Variants in XIRP2 observed in about 807,000 individuals in gnomAD.
The protein encoded by XIRP2 is xin actin-binding repeat-containing protein 2.
In XIRP2, 236 loss-of-function variants were observed where a neutral mutation model predicts 277.0. That is an observed-to-expected ratio of 0.85 (90% CI 0.77 to 0.95). The LOEUF (loss-of-function observed/expected upper bound fraction) is 0.95, where lower values mean the gene tolerates loss of function less well. Ranked by LOEUF, XIRP2 falls within the 40% of genes least tolerant of loss-of-function variation. The probability of loss-of-function intolerance (pLI) is 0.00; values close to 1 mark genes in which losing one functional copy is unlikely to be tolerated. For synonymous variants in XIRP2, 1,490 were observed against 1,416.5 expected (o/e 1.05, Z -1.17); for missense variants, 4,640 against 4,157.5 (o/e 1.12, Z -3.19).
At chr2:167,026,118 G>T (rs1429724540) in intron 2 of XIRP2, among the ~76,000 whole-genome samples, 1 of 152,250 alleles carries the variant, frequency 6.6e-6, no homozygotes, top group South Asian at 2.1e-4. Flanking sequence ...CTCAGGACTT[G>T]CTTTATGAAT....
intron 2 of XIRP2, among the ~76,000 whole-genome samples, chr2:166,914,287 T>G (rs1226473144): frequency 6.6e-6 from 1 of 152,148 alleles, no homozygotes; most frequent in African/African-American, 2.4e-5. Context: ...TGAAATTTAT[T>G]TCTGAATTTG....
At chr2:167,058,203 C>T (rs1259976491) in intron 2 of XIRP2, among the ~76,000 whole-genome samples, 2 of 151,884 alleles carry the variant, frequency 1.3e-5, no homozygotes, top group Admixed American at 1.3e-4. Flanking sequence ...GCTGGGACTA[C>T]AGAAAGGCAC....
intron 2 of XIRP2, among the ~76,000 whole-genome samples, chr2:166,946,260 A>G (rs1370177975): frequency 6.6e-6 from 1 of 152,190 alleles, no homozygotes; most frequent in African/African-American, 2.4e-5. Flanking sequence ...CTGTTTAAGT[A>G]AAACCTAATG....
chr2:167,237,296 A>G (rs1694927608), intron 5 of XIRP2, among the ~76,000 whole-genome samples: 1 of 152,182 alleles, frequency 6.6e-6, no homozygotes, highest in Non-Finnish European at 1.5e-5. Flanking sequence ...TCAAAATTAC[A>G]TTTATTTACA....
intron 3 of XIRP2, among the ~76,000 whole-genome samples, chr2:167,192,859 G>A (rs554079377): frequency 1.8e-4 from 28 of 152,128 alleles, no homozygotes; most frequent in Non-Finnish European, 2.9e-4. Flanking sequence ...GTTTTCCTCC[G>A]TAGCATCTCA....
At chr2:167,147,100 A>T (rs1240092065) in intron 3 of XIRP2, among the ~76,000 whole-genome samples, 3 of 152,246 alleles carry the variant, frequency 2.0e-5, no homozygotes, top group Non-Finnish European at 4.4e-5. Context: ...CCTTCATTAA[A>T]GGAAATTTTT....
Position 167,246,499 on chromosome 2 carries a change from A to G in XIRP2, c.5107A>G (p.Ile1703Val). The change falls in exon 9 of 11, where the codon ATT becomes GTT. Residue 1703 changes from isoleucine (I) to valine (V), a missense_variant. Transcript: ENST00000409195. ...CLLHENDGDTIEREEVIGGDV... is the reference protein window; with the variant it reads ...CLLHENDGDTVEREEVIGGDV... ...TCTTCATGAAAATGATGGTGACACAATTGAGCGTGAAGAAGTAATAGGTGG... is the reference window on the plus strand; with the variant it reads ...TCTTCATGAAAATGATGGTGACACAGTTGAGCGTGAAGAAGTAATAGGTGG... The G allele has an allele frequency of 6.2e-7, 1 of 1,613,730 alleles. No individual in the cohort carries two copies. The highest frequency in any genetic ancestry group is 8.5e-7 in the Non-Finnish European group (1 of 1,179,806).
intron 2 of XIRP2, among the ~76,000 whole-genome samples, chr2:167,093,298 A>G (rs1690202503): frequency 6.6e-6 from 1 of 151,808 alleles, no homozygotes; most frequent in Non-Finnish European, 1.5e-5. Context: ...ATTTTTACAG[A>G]TGTACATAAG....
In XIRP2 at chr2:167,244,921, A is replaced by C. The variant is rs776625517; in HGVS notation, c.3529A>C (p.Ile1177Leu). Residue 1177 changes from isoleucine (I) to leucine (L), a missense_variant, in exon 9 of 11, where the codon ATA (isoleucine) becomes CTA (leucine). Ile to Leu is a conservative substitution (Grantham distance 5). Coordinates refer to ENST00000409195, the MANE Select transcript of XIRP2 (RefSeq NM_152381.6). ...FLFETENLDS[I>L]QGEEVKEIKP... is the part of the protein sequence containing the mutation. The stretch of plus-strand genomic sequence containing the variant: ...TTTTGAGACAGAAAATTTGGACAGC[A>C]TACAAGGAGAAGAAGTGAAGGAAAT... 5.3e-5 allele frequency: 86 copies of C among 1,612,982 alleles called. No individual in the cohort carries two copies. Among genetic ancestry groups the C allele is most frequent in the Non-Finnish European group, 6.5e-5 (77 of 1,179,664 alleles).
At chr2:167,257,798 A>G (rs543067160) in intron 10 of XIRP2, 59 bp from the exon 11 acceptor site, 1 of 1,499,084 alleles carries the variant, frequency 6.7e-7, no homozygotes, top group African/African-American at 1.4e-5. Flanking sequence ...ATTAATCCCC[A>G]ATTCCCTATG....
intron 5 of XIRP2, among the ~76,000 whole-genome samples, chr2:167,221,249 G>T (rs1694417192): frequency 6.6e-6 from 1 of 152,058 alleles, no homozygotes; most frequent in Non-Finnish European, 1.5e-5. Context: ...GAGGTGGGCA[G>T]ATCACCTGAA....
At chr2:166,999,760 G>A (rs1687316430) in intron 2 of XIRP2, among the ~76,000 whole-genome samples, 1 of 152,028 alleles carries the variant, frequency 6.6e-6, no homozygotes, top group South Asian at 2.1e-4. Context: ...TAATTAACTT[G>A]TCAACAACAT....
chr2:167,086,993 C>T lies in XIRP2; in HGVS notation c.409-48916C>T, dbSNP rs1170148455. ...TTGTTCCGTTGCTGGTGAGGAACTG[C>T]GTTCCTTTGGAGGAGGAGAGGCGCT... On this transcript the variant is annotated intron_variant, in intron 2 of 10. Coordinates refer to ENST00000409195, the MANE Select transcript of XIRP2 (RefSeq NM_152381.6). 3.3e-5 allele frequency among the ~76,000 whole-genome samples: 5 copies of T among 151,970 alleles called. No homozygotes were observed. The South Asian group carries it at 6.2e-4, about 19-fold the overall frequency.
chr2:167,068,708 T>C (rs1689366743), intron 2 of XIRP2, among the ~76,000 whole-genome samples: 1 of 152,098 alleles, frequency 6.6e-6, no homozygotes, highest in South Asian at 2.1e-4. Context: ...TCAAAGGCCA[T>C]AGTTTTTCAA....
chr2:167,206,634 G>T (rs1358576446), intron 3 of XIRP2, among the ~76,000 whole-genome samples: 1 of 152,078 alleles, frequency 6.6e-6, no homozygotes, highest in Non-Finnish European at 1.5e-5. Context: ...TTGTTCTGCA[G>T]ACTTTTGCAT....
chr2:167,110,901 A>C (rs1690733112), intron 2 of XIRP2, among the ~76,000 whole-genome samples: 1 of 151,978 alleles, frequency 6.6e-6, no homozygotes, highest in South Asian at 2.1e-4. Context: ...CTGGTTAGCT[A>C]TATTCCTCAG....
chr2:166,938,766 A>G (rs531871165), intron 2 of XIRP2, among the ~76,000 whole-genome samples: 1 of 152,140 alleles, frequency 6.6e-6, no homozygotes, highest in African/African-American at 2.4e-5. Flanking sequence ...TTGCTTTATG[A>G]ATCTGGGTGC....
At chr2:167,017,833 C>T (rs987466129) in intron 2 of XIRP2, among the ~76,000 whole-genome samples, 5 of 151,996 alleles carry the variant, frequency 3.3e-5, no homozygotes, top group African/African-American at 7.2e-5. Context: ...CCAACATCTT[C>T]GGGAACATTA....
chr2:166,926,520 G>A (rs200025145), intron 2 of XIRP2, among the ~76,000 whole-genome samples: 3 of 152,164 alleles, frequency 2.0e-5, no homozygotes, highest in East Asian at 3.9e-4. Flanking sequence ...AATAATCTCT[G>A]CCTTTATAAC....
Sources: allele counts gnomAD v4.1 joint callset (sites outside exome capture counted in the v4.1 genomes callset), GRCh38; gene constraint gnomAD v4.1.1; transcripts MANE v1.5; gene names NCBI Gene and HGNC (gene_info 2026-07-23, HGNC 2026-07-21).